Variants in CDC25C observed in about 807,000 individuals in gnomAD.
The protein encoded by CDC25C is M-phase inducer phosphatase 3.
In CDC25C, 48 loss-of-function variants were observed where a neutral mutation model predicts 52.5. That is an observed-to-expected ratio of 0.91 (90% CI 0.72 to 1.16). The LOEUF (loss-of-function observed/expected upper bound fraction) is 1.16. Ranked by LOEUF, CDC25C falls within the 50% of genes most tolerant of loss-of-function variation. The pLI is 0.00. For missense variants in CDC25C, 510 were observed against 566.1 expected, an observed-to-expected ratio of 0.90 and a Z score of 1.01; for synonymous variants, 187 against 206.5, an observed-to-expected ratio of 0.91 and a Z score of 0.81.
At chr5:138,315,166 A>G (rs1163749572) in intron 7 of CDC25C, among the ~76,000 whole-genome samples, 4 of 148,250 alleles carry the variant, frequency 2.7e-5, no homozygotes, top group African/African-American at 1.0e-4. Context: ...ACTCCTGACC[A>G]CCCGCTTCGG....
intron 10 of CDC25C, 26 bp from the exon 11 acceptor site, chr5:138,287,293 T>C: frequency 6.6e-7 from 1 of 1,521,756 alleles, no homozygotes; most frequent in Non-Finnish European, 9.1e-7. Flanking sequence ...GACTGAATAT[T>C]CTGCTCACTG....
In CDC25C at chr5:138,285,606, GT is replaced by G; in HGVS notation, c.*85del. 1.6e-6 allele frequency: 2 copies of G among 1,250,754 alleles called. No individual in the cohort carries two copies. Among genetic ancestry groups the G allele is most frequent in the Non-Finnish European group, 2.3e-6 (2 of 877,624 alleles). 77.5% of individuals were successfully genotyped at this position (1,250,754 alleles called of 1,614,324 possible). A position where few individuals can be genotyped will look rare whatever the true frequency, so the allele number is the denominator to read the frequency against. On this transcript the variant is annotated 3_prime_UTR_variant, in exon 14 of 14. Transcript: ENST00000323760. ...CAGAGACATCTTTTAATAATCTTGGGTTTGGCCATCCAGAAGGCCTCTTTCT... is the reference window on the plus strand; with the variant it reads ...CAGAGACATCTTTTAATAATCTTGGGTTGGCCATCCAGAAGGCCTCTTTCT...
In CDC25C at chr5:138,286,157, G is replaced by C. The variant is rs368574566; in HGVS notation, c.1161-24C>G. 1.9e-6 allele frequency: 3 copies of C among 1,570,934 alleles called. No homozygotes were observed. In the South Asian group the frequency reaches 3.3e-5, roughly 18 times the overall value. ...ACCTTTAGAGAGAACCCAGAGATGG[G>C]TGGGGTGGAAAGAAACAAGGTCAGG... On this transcript the variant is annotated intron_variant, in intron 12 of 13. Coordinates refer to ENST00000323760, the MANE Select transcript of CDC25C (RefSeq NM_001790.5).
chr5:138,324,271 AAAAT>A (rs536317925), intron 6 of CDC25C, among the ~76,000 whole-genome samples: 2 of 151,928 alleles, frequency 1.3e-5, no homozygotes, highest in African/African-American at 2.4e-5. Flanking sequence ...ACTCTGTCTC[AAAAT>A]AAATAAATAA....
intron 7 of CDC25C, among the ~76,000 whole-genome samples, chr5:138,312,457 T>C (rs1038665221): frequency 6.6e-6 from 1 of 152,174 alleles, no homozygotes; most frequent in Non-Finnish European, 1.5e-5. Flanking sequence ...TGCCAAAAGA[T>C]GGAAACCCAA....
chr5:138,331,246 T>G, intron 1 of CDC25C, 28 bp from the exon 2 acceptor site: 1 of 1,433,654 alleles, frequency 7.0e-7, no homozygotes, highest in Non-Finnish European at 9.8e-7. Context: ...TCTAAATCGG[T>G]ACATCACAGT....
chr5:138,286,023 A>G lies in CDC25C; in HGVS notation c.1271T>C (p.Met424Thr). ...GGYRDFFPEY[M>T]ELCEPQSYCP... ...CTCCCCGCATGCCCCACCCTTTACCATATATTCTGGAAAGAAGTCTCTGTA... is the reference window on the plus strand; with the variant it reads ...CTCCCCGCATGCCCCACCCTTTACCGTATATTCTGGAAAGAAGTCTCTGTA... Residue 424 changes from methionine (M) to threonine (T), a missense_variant and splice_region_variant, in exon 13 of 14, where the codon ATG becomes ACG. Transcript: ENST00000323760. The G allele has an allele frequency of 1.2e-6, 2 of 1,609,940 alleles. No individual in the cohort carries two copies. The highest frequency in any genetic ancestry group is 1.3e-5 in the African/African-American group (1 of 74,956).
At chr5:138,303,152 C>G (rs1319817861) in intron 7 of CDC25C, among the ~76,000 whole-genome samples, 1 of 152,124 alleles carries the variant, frequency 6.6e-6, no homozygotes, top group Non-Finnish European at 1.5e-5. Flanking sequence ...CTTCCTCAAC[C>G]TGATGATGGG....
intron 6 of CDC25C, among the ~76,000 whole-genome samples, chr5:138,321,480 G>A (rs894030168): frequency 4.6e-5 from 7 of 151,994 alleles, no homozygotes; most frequent in South Asian, 2.1e-4. Context: ...GTGGCCAGGC[G>A]CGGTGGCTCA....
rs1756266228 is a variant in CDC25C at position 138,286,650 on chromosome 5, G to GT, written c.1027-21dup. 5 of 1,602,924 alleles carry GT rather than the reference G, an allele frequency of 3.1e-6. No individual in the cohort carries two copies. The highest frequency in any genetic ancestry group is 2.7e-5 in the African/African-American group (2 of 74,564). The stretch of plus-strand genomic sequence containing the variant: ...GGCTCCCTGTAGAAGAAGAATTTTA[G>GT]TAAGTATTTCCTCAGGGGCTTATAG... On this transcript the variant is annotated intron_variant, in intron 11 of 13. Coordinates refer to ENST00000323760, the MANE Select transcript of CDC25C (RefSeq NM_001790.5).
rs1214809424 is a variant in CDC25C at position 138,314,652 on chromosome 5, A to G, written c.615+4567T>C. Among the ~76,000 whole-genome samples the G allele has an allele frequency of 3.9e-5, 5 of 127,678 alleles. No homozygotes were observed. In the Middle Eastern group the frequency reaches 0.017, roughly 430 times the overall value. The allele number at this position is 127,678 out of a possible 152,430, so 83.8% of individuals were successfully genotyped here. A position where few individuals can be genotyped will look rare whatever the true frequency, so the allele number is the denominator to read the frequency against. On this transcript the variant is annotated intron_variant, in intron 7 of 13. Transcript: ENST00000323760. ...AGACAGAGTTTCACTCTTGTTGCCCAGGCTGGAGTGCAATGGAGCGATCTT... is the reference window on the plus strand; with the variant it reads ...AGACAGAGTTTCACTCTTGTTGCCCGGGCTGGAGTGCAATGGAGCGATCTT...
At chr5:138,320,906 A>C (rs1208818642) in intron 6 of CDC25C, among the ~76,000 whole-genome samples, 1 of 118,606 alleles carries the variant, frequency 8.4e-6, no homozygotes, top group Non-Finnish European at 1.7e-5. Context: ...ACAGAGTGAG[A>C]CTCTGTCTCA....
chr5:138,302,017 C>T (rs1287352798), intron 7 of CDC25C, among the ~76,000 whole-genome samples: 1 of 133,348 alleles, frequency 7.5e-6, no homozygotes, highest in Non-Finnish European at 1.6e-5. Flanking sequence ...TTTATTGAGA[C>T]AGAGTCTCGC....
chr5:138,297,281 G>A (rs937879161), intron 7 of CDC25C, among the ~76,000 whole-genome samples: 31 of 151,520 alleles, frequency 2.0e-4, no homozygotes, highest in African/African-American at 6.8e-4. Flanking sequence ...CACTGGTCTC[G>A]AACTCCTGAC....
intron 3 of CDC25C, chr5:138,328,764 T>A: frequency 2.6e-6 from 1 of 386,798 alleles, no homozygotes; most frequent in Non-Finnish European, 4.6e-6. Flanking sequence ...TACACTATGC[T>A]ACCTATGGAG....
chr5:138,287,179 C>A lies in CDC25C; in HGVS notation c.1016G>T (p.Gly339Val). 1 of 1,611,962 alleles carries A rather than the reference C, an allele frequency of 6.2e-7. No homozygotes were observed. Among genetic ancestry groups the A allele is most frequent in the South Asian group, 1.1e-5 (1 of 91,024 alleles). The change falls in exon 11 of 14, where the codon GGA (glycine) becomes GTA (valine). Residue 339 changes from glycine (G) to valine (V), a missense_variant. Transcript: ENST00000323760. ...DCRYPYEYLG[G>V]HIQGALNLYS... ...ACAATGTCGTCTCACCTGGATGTGTCCTCCCAGATACTCATATGGATAGCG... is the reference window on the plus strand; with the variant it reads ...ACAATGTCGTCTCACCTGGATGTGTACTCCCAGATACTCATATGGATAGCG...
chr5:138,331,605 G>C lies in CDC25C; in HGVS notation c.-49C>G. On this transcript the variant is annotated 5_prime_UTR_variant, in exon 1 of 14. Coordinates refer to ENST00000323760, the MANE Select transcript of CDC25C (RefSeq NM_001790.5). The stretch of plus-strand genomic sequence containing the variant: ...CGGCTGCGGACTTACCTCAAGCCTG[G>C]AGTCTGAGGCTTGCCTACAAGAGGA... The C allele has an allele frequency of 2.0e-6, 2 of 1,019,984 alleles. No individual in the cohort carries two copies. The highest frequency in any genetic ancestry group is 2.4e-6 in the Non-Finnish European group (2 of 849,908). The allele number at this position is 1,019,984 out of a possible 1,614,324, so 63.2% of individuals were successfully genotyped here.
intron 6 of CDC25C, among the ~76,000 whole-genome samples, chr5:138,322,034 C>A (rs1759447549): frequency 6.6e-6 from 1 of 151,952 alleles, no homozygotes; most frequent in Non-Finnish European, 1.5e-5. Flanking sequence ...CAGAGACATG[C>A]TTTGTCGCCC....
chr5:138,329,726 CTTT>C (rs71574413), intron 2 of CDC25C, 79 bp from the exon 3 acceptor site: 11,921 of 288,596 alleles, frequency 0.041, no homozygotes, highest in South Asian at 0.059. Flanking sequence ...TCATCCTCTT[CTTT>C]TTTTTTTTTT....
Sources: allele counts gnomAD v4.1 joint callset (sites outside exome capture counted in the v4.1 genomes callset), GRCh38; gene constraint gnomAD v4.1.1; transcripts MANE v1.5; gene names NCBI Gene and HGNC (gene_info 2026-07-23, HGNC 2026-07-21).